Variants in ZNF184 observed in about 807,000 individuals in gnomAD.
The protein encoded by ZNF184 is zinc finger protein 184 (Kruppel-like).
ZNF184 carries 16 observed loss-of-function variants against 54.4 expected under a neutral mutation model. That is an observed-to-expected ratio of 0.29 (90% CI 0.20 to 0.45). The LOEUF is 0.45. Among genes scored for constraint, ZNF184 ranks in the 20% least tolerant of loss-of-function variants. The pLI is 1.00. For missense variants in ZNF184, 681 were observed against 888.2 expected (o/e 0.77, Z 2.97); for synonymous variants, 254 against 295.3 (o/e 0.86, Z 1.43).
the ZNF184 span, among the ~76,000 whole-genome samples, chr6:27,442,844 AAG>A: frequency 2.3e-3 from 153 of 66,844 alleles, 19 homozygotes; most frequent in African/African-American, 4.5e-3. Flanking sequence ...GAAAGAAAGA[AAG>A]AAAGAAAGAA....
At position 27,451,439 on chromosome 6, in the gene ZNF184, A is replaced by G. The variant is rs750948916; in HGVS notation, c.2120T>C (p.Phe707Ser). ...PYNCNECRKT[F>S]SQSTYLIQHQ... is the part of the protein sequence containing the mutation. The stretch of plus-strand genomic sequence containing the variant: ...CTGAATGAGATATGTGCTCTGGCTA[A>G]AAGTCTTTCTGCATTCATTACAGTT... The change falls in exon 6 of 6, where the codon TTT (phenylalanine) becomes TCT (serine). Residue 707 changes from phenylalanine to serine, a missense_variant. Coordinates refer to ENST00000683788, the MANE Select transcript of ZNF184 (RefSeq NM_001318891.2). 4.3e-6 allele frequency: 7 copies of G among 1,614,038 alleles called. No individual in the cohort carries two copies. The highest frequency in any genetic ancestry group is 5.1e-6 in the Non-Finnish European group (6 of 1,180,016).
chr6:27,447,583 G>A (rs1429185706), downstream of ZNF184, among the ~76,000 whole-genome samples: 1 of 151,750 alleles, frequency 6.6e-6, no homozygotes, highest in Non-Finnish European at 1.5e-5. Flanking sequence ...CATGGTGGCA[G>A]GCGCCCGTAA....
the ZNF184 span, among the ~76,000 whole-genome samples, chr6:27,430,803 C>T: frequency 6.6e-6 from 1 of 152,232 alleles, no homozygotes; most frequent in Non-Finnish European, 1.5e-5. Context: ...TGCCCTTGCT[C>T]TTTCAGGGTC....
chr6:27,472,225 A>C lies in ZNF184; in HGVS notation c.7+63T>G, dbSNP rs7750795. On this transcript the variant is annotated intron_variant, in intron 2 of 5. Transcript: ENST00000683788. The surrounding 1 kb of genome is among the most constrained non-coding windows in gnomAD (Gnocchi z 4.8). ...CCTGCTCTGATCTCAAGTATTTGAT[A>C]CTCCAGTCATGACTGTTCTCAAGCC... The C allele has an allele frequency of 0.71, 1,127,618 of 1,598,468 alleles. 400,218 individuals are homozygous for C. The highest frequency in any genetic ancestry group is 0.76 in the Middle Eastern group (4,592 of 6,016).
chr6:27,424,805 CCAGTCCCGCGCAGTGCGCCCA>C, the ZNF184 span, among the ~76,000 whole-genome samples: 152 of 152,264 alleles, frequency 1.0e-3, no homozygotes, highest in Non-Finnish European at 1.9e-3. Flanking sequence ...GAGCTGCCTG[CCAGTCCCGCGCAGTGCGCCCA>C]CACTCCTCAG....
chr6:27,431,391 G>A, the ZNF184 span, among the ~76,000 whole-genome samples: 1 of 152,172 alleles, frequency 6.6e-6, no homozygotes, highest in Non-Finnish European at 1.5e-5. Flanking sequence ...TATCTTCACA[G>A]CAACAAATCC....
intron 3 of ZNF184, among the ~76,000 whole-genome samples, chr6:27,465,376 T>G (rs1230522083): frequency 1.4e-5 from 2 of 142,216 alleles, no homozygotes; most frequent in African/African-American, 2.6e-5. Context: ...TCCTAGCTAC[T>G]CGGGAGGCTG....
the ZNF184 span, chr6:27,406,886 A>C: frequency 4.1e-4 from 46 of 112,638 alleles, no homozygotes; most frequent in African/African-American, 1.4e-3. Flanking sequence ...CAGCAAAGTC[A>C]CAAACATCCA....
chr6:27,451,007 T>C lies in ZNF184; in HGVS notation c.*296A>G, dbSNP rs184180065. On this transcript the variant is annotated 3_prime_UTR_variant, in exon 6 of 6. Coordinates refer to ENST00000683788, the MANE Select transcript of ZNF184 (RefSeq NM_001318891.2). ...TATAGTAAACCCATTCAAGAAAATATTGTAAATATACAAAACTGATTATAA... is the reference window on the plus strand; with the variant it reads ...TATAGTAAACCCATTCAAGAAAATACTGTAAATATACAAAACTGATTATAA... 1.0e-3 allele frequency: 278 copies of C among 268,444 alleles called. 1 individual carries two copies. Among genetic ancestry groups the C allele is most frequent in the Middle Eastern group, 4.6e-3 (4 of 876 alleles). 16.6% of individuals were successfully genotyped at this position (268,444 alleles called of 1,614,324 possible).
chr6:27,452,635 A>C lies in ZNF184; in HGVS notation c.924T>G (p.Cys308Trp). Residue 308 changes from cysteine to tryptophan, a missense_variant, in exon 6 of 6, where the codon TGT becomes TGG. Coordinates refer to ENST00000683788, the MANE Select transcript of ZNF184 (RefSeq NM_001318891.2). This position sits in a 1 kb window ranked among gnomAD's most constrained non-coding sequence, Gnocchi z 5.5. ...GACTAAAGGCTTTCCCACATTCATC[A>C]CATTTATATGGTTTTTCTCCAGTAT... ...RIHTGEKPYK[C>W]DECGKAFSQR... The C allele has an allele frequency of 6.2e-7, 1 of 1,613,694 alleles. No individual in the cohort carries two copies. Among genetic ancestry groups the C allele is most frequent in the Non-Finnish European group, 8.5e-7 (1 of 1,179,920 alleles).
chr6:27,461,760 C>G (rs1461923157), intron 3 of ZNF184, among the ~76,000 whole-genome samples: 2 of 152,080 alleles, frequency 1.3e-5, no homozygotes, highest in Middle Eastern at 6.3e-3. Flanking sequence ...AGGAGCCCAG[C>G]AGATTTCTGG....
chr6:27,421,143 G>C, the ZNF184 span, among the ~76,000 whole-genome samples: 1 of 152,228 alleles, frequency 6.6e-6, no homozygotes, highest in Non-Finnish European at 1.5e-5. Context: ...AAACTACTCT[G>C]TCCATACTCC....
chr6:27,433,850 T>C, the ZNF184 span, among the ~76,000 whole-genome samples: 4 of 151,856 alleles, frequency 2.6e-5, no homozygotes, highest in Non-Finnish European at 5.9e-5. Context: ...TTTCCTTCCT[T>C]CCTTCCTTCT....
the ZNF184 span, among the ~76,000 whole-genome samples, chr6:27,409,734 C>T: frequency 7.2e-4 from 110 of 151,738 alleles, no homozygotes; most frequent in African/African-American, 2.6e-3. Context: ...AAGAAAAATA[C>T]GTTAAAAATA....
chr6:27,446,846 C>T (rs1762642373), downstream of ZNF184, among the ~76,000 whole-genome samples: 1 of 152,160 alleles, frequency 6.6e-6, no homozygotes, highest in Non-Finnish European at 1.5e-5. Context: ...TATTCTCCCA[C>T]TTTAGGACTT....
Position 27,453,104 on chromosome 6 carries a change from C to T in ZNF184, c.455G>A (p.Arg152Lys). The part of the protein sequence containing the change: ...ESWEYEGSLE[R>K]QQANQQTLPK... Reference sequence around the variant, plus strand: ...CAGTGTCTGTTGGTTTGCCTGCTGTCTCTCTAAACTGCCTTCATATTCCCA... The same window carrying T: ...CAGTGTCTGTTGGTTTGCCTGCTGTTTCTCTAAACTGCCTTCATATTCCCA... Residue 152 changes from arginine to lysine, a missense_variant, in exon 6 of 6, where the codon AGA becomes AAA. Physicochemically the swap from Arg to Lys is conservative, Grantham distance 26 (BLOSUM62 2). Coordinates refer to ENST00000683788, the MANE Select transcript of ZNF184 (RefSeq NM_001318891.2). This position sits in a 1 kb window ranked among gnomAD's most constrained non-coding sequence, Gnocchi z 4.7. 6.2e-7 allele frequency: 1 copy of T among 1,614,096 alleles called. No homozygotes were observed.
the ZNF184 span, among the ~76,000 whole-genome samples, chr6:27,427,687 C>G: frequency 6.6e-6 from 1 of 152,318 alleles, no homozygotes; most frequent in East Asian, 1.9e-4. Context: ...GTCTCCAGAT[C>G]CATATCAGCA....
In ZNF184 at chr6:27,451,738, A is replaced by T; in HGVS notation, c.1821T>A (p.Ile607=). Residue 607 remains isoleucine, a synonymous_variant, in exon 6 of 6, where the codon ATT becomes ATA. Coordinates refer to ENST00000683788, the MANE Select transcript of ZNF184 (RefSeq NM_001318891.2). ...ACTCATAAGGCTTGGCTCCTGTATG[A>T]ATTCTCTTATGCTGTGTAAGGTGTA... ...QNIHLTQHKR[I]HTGAKPYECA... is the part of the protein sequence containing the mutation. The T allele has an allele frequency of 6.2e-7, 1 of 1,613,872 alleles. No individual in the cohort carries two copies. Among genetic ancestry groups the T allele is most frequent in the Non-Finnish European group, 8.5e-7 (1 of 1,179,910 alleles).
At chr6:27,416,409 A>G in the ZNF184 span, among the ~76,000 whole-genome samples, 1 of 152,238 alleles carries the variant, frequency 6.6e-6, no homozygotes, top group Non-Finnish European at 1.5e-5. Flanking sequence ...CAGATCATCT[A>G]GCATGGATAT....
Sources: allele counts gnomAD v4.1 joint callset (sites outside exome capture counted in the v4.1 genomes callset), GRCh38; gene constraint gnomAD v4.1.1; non-coding constraint Gnocchi (gnomAD v3.1); transcripts MANE v1.5; gene names NCBI Gene and HGNC (gene_info 2026-07-23, HGNC 2026-07-21).